Variants in PRKAR2B observed in about 807,000 individuals in gnomAD.
PRKAR2B encodes the protein protein kinase cAMP-dependent type II regulatory subunit beta, also known as cAMP-dependent protein kinase type II-beta regulatory subunit.
PRKAR2B carries 14 observed loss-of-function variants against 49.9 expected under a neutral mutation model. The observed-to-expected ratio is 0.28, with a 90% confidence interval of 0.19 to 0.44. PRKAR2B has a LOEUF of 0.44. Among genes scored for constraint, PRKAR2B ranks in the 20% least tolerant of loss-of-function variants. The pLI, the probability that PRKAR2B is intolerant of heterozygous loss-of-function variation, is 1.00. For missense variants in PRKAR2B, 393 were observed against 537.9 expected, an observed-to-expected ratio of 0.73 and a Z score of 2.67; for synonymous variants, 196 against 197.7, an observed-to-expected ratio of 0.99 and a Z score of 0.07.
intron 1 of PRKAR2B, among the ~76,000 whole-genome samples, chr7:107,055,958 T>A (rs933324267): frequency 6.6e-6 from 1 of 152,194 alleles, no homozygotes; most frequent in African/African-American, 2.4e-5. Context: ...GGTCTAACAT[T>A]TAAGTCTTTA....
Position 107,089,881 on chromosome 7 carries a change from C to G in PRKAR2B, c.343+19565C>G, listed in dbSNP as rs74335685. ...CATGATCCCTGAGTTATGTATCACC[C>G]ATTTTGTGGTTGTAATTCTATTGAC... On this transcript the variant is annotated intron_variant, in intron 2 of 10. Coordinates refer to ENST00000265717, the MANE Select transcript of PRKAR2B (RefSeq NM_002736.3). 3.6e-3 allele frequency among the ~76,000 whole-genome samples: 545 copies of G among 152,288 alleles called. 3 individuals carry two copies. Among genetic ancestry groups the G allele is most frequent in the African/African-American group, 0.012 (518 of 41,560 alleles).
At chr7:107,148,758 A>G (rs1795937207) in intron 6 of PRKAR2B, among the ~76,000 whole-genome samples, 1 of 152,218 alleles carries the variant, frequency 6.6e-6, no homozygotes, top group African/African-American at 2.4e-5. Context: ...AGAAAAGTCC[A>G]TTGCAGAATA....
chr7:107,077,772 T>C (rs2116783602), intron 2 of PRKAR2B: 1 of 152,348 alleles, frequency 6.6e-6, no homozygotes, highest in South Asian at 2.1e-4. Flanking sequence ...CTCACCTATC[T>C]ACGTATTAAA....
At chr7:107,116,942 T>A (rs560791506) in intron 2 of PRKAR2B, among the ~76,000 whole-genome samples, 1 of 139,962 alleles carries the variant, frequency 7.1e-6, no homozygotes, top group East Asian at 2.0e-4. Flanking sequence ...TGTATATATA[T>A]GTGTGTGTGT....
intron 6 of PRKAR2B, 24 bp from the exon 7 acceptor site, chr7:107,150,898 A>G (rs372387699): frequency 4.6e-5 from 60 of 1,302,858 alleles, no homozygotes; most frequent in Non-Finnish European, 6.4e-5. Flanking sequence ...CATAAAATTT[A>G]CCCTTTAACT....
chr7:107,159,270 T>C lies in PRKAR2B; in HGVS notation c.1124-179T>C, dbSNP rs145725016. Among the ~76,000 whole-genome samples the C allele has an allele frequency of 1.1e-3, 167 of 152,328 alleles. 1 individual carries two copies. Among genetic ancestry groups the C allele is most frequent in the African/African-American group, 3.9e-3 (163 of 41,574 alleles). On this transcript the variant is annotated intron_variant, in intron 10 of 10. Transcript: ENST00000265717. ...AGAGTGTGGTCCAAGAGCGTGGCCC[T>C]GGCTGCTTCCTTTTTCAAGTGGAAC...
intron 2 of PRKAR2B, 78 bp from the exon 3 acceptor site, chr7:107,121,874 T>C (rs753460375): frequency 5.1e-6 from 4 of 789,344 alleles, no homozygotes; most frequent in Non-Finnish European, 7.9e-6. Flanking sequence ...TTTTTGTTCA[T>C]TAAGTGTTAA....
chr7:107,087,686 A>G (rs1397080437), intron 2 of PRKAR2B, among the ~76,000 whole-genome samples: 3 of 152,122 alleles, frequency 2.0e-5, no homozygotes, highest in Non-Finnish European at 2.9e-5. Context: ...AGGCTGAGGC[A>G]GGCGGATTGC....
At chr7:107,149,581 C>T (rs1795947568) in intron 6 of PRKAR2B, among the ~76,000 whole-genome samples, 1 of 152,072 alleles carries the variant, frequency 6.6e-6, no homozygotes, top group South Asian at 2.1e-4. Flanking sequence ...GCTCCAGCCT[C>T]ATGACCTAAC....
In PRKAR2B at chr7:107,150,829, A is replaced by G. The variant is rs1163010031; in HGVS notation, c.742-93A>G. On this transcript the variant is annotated intron_variant, in intron 6 of 10. Coordinates refer to ENST00000265717, the MANE Select transcript of PRKAR2B (RefSeq NM_002736.3). ...AATGATGTTAATCTTTTATTTCAGA[A>G]TCTTCAATCATTGTTTCTTGTAGGG... 3 of 630,622 alleles carry G rather than the reference A, an allele frequency of 4.8e-6. No individual in the cohort carries two copies. In the South Asian group the frequency reaches 6.4e-5, roughly 14 times the overall value. 39.1% of individuals were successfully genotyped at this position (630,622 alleles called of 1,614,324 possible). A position where few individuals can be genotyped will look rare whatever the true frequency, so the allele number is the denominator to read the frequency against.
intron 1 of PRKAR2B, among the ~76,000 whole-genome samples, chr7:107,050,293 C>G (rs889670445): frequency 8.3e-5 from 12 of 144,534 alleles, no homozygotes; most frequent in African/African-American, 3.1e-4. Context: ...TATCAAAAAC[C>G]AAACCATTTA....
chr7:107,159,904 A>T lies in PRKAR2B; in HGVS notation c.*322A>T, dbSNP rs1331622991. The T allele has an allele frequency of 4.6e-6, 1 of 217,198 alleles. No individual in the cohort carries two copies. Among genetic ancestry groups the T allele is most frequent in the African/African-American group, 2.3e-5 (1 of 43,640 alleles). 13.5% of individuals were successfully genotyped at this position (217,198 alleles called of 1,614,324 possible). On this transcript the variant is annotated 3_prime_UTR_variant, in exon 11 of 11. Transcript: ENST00000265717. ...AAGAAGATAATTAAAGGATGTTATC[A>T]TAGGCTATATGTGTTTTACTTATTC...
At chr7:107,147,498 A>G (rs905674489) in intron 6 of PRKAR2B, among the ~76,000 whole-genome samples, 1 of 152,250 alleles carries the variant, frequency 6.6e-6, no homozygotes, top group Non-Finnish European at 1.5e-5. Context: ...ATTAGGCACT[A>G]CTAAAGCTCC....
At chr7:107,080,453 T>TA (rs1280846173) in intron 2 of PRKAR2B, among the ~76,000 whole-genome samples, 3 of 152,112 alleles carry the variant, frequency 2.0e-5, no homozygotes, top group Admixed American at 6.5e-5. Flanking sequence ...TGCAAGCAAT[T>TA]ACCATTGCCA....
At chr7:107,122,761 C>T (rs980133429) in intron 3 of PRKAR2B, among the ~76,000 whole-genome samples, 2 of 152,142 alleles carry the variant, frequency 1.3e-5, no homozygotes, top group Non-Finnish European at 1.5e-5. Flanking sequence ...GCAGCTACTA[C>T]GTCCCTAAGT....
At chr7:107,066,301 G>GGGTGTGTGT (rs147673007) in intron 1 of PRKAR2B, among the ~76,000 whole-genome samples, 4 of 145,512 alleles carry the variant, frequency 2.7e-5, no homozygotes, top group African/African-American at 1.0e-4. Flanking sequence ...CTCTATGTGG[G>GGGTGTGTGT]GTGTGTGTGT....
intron 2 of PRKAR2B, 59 bp downstream of exon 2, chr7:107,070,375 T>C (rs1794241381): frequency 7.1e-7 from 1 of 1,411,526 alleles, no homozygotes; most frequent in East Asian, 2.3e-5. Flanking sequence ...AAAATGATAA[T>C]ATTGGACAAG....
chr7:107,156,173 A>T (rs1459561860), intron 8 of PRKAR2B, among the ~76,000 whole-genome samples: 1 of 152,126 alleles, frequency 6.6e-6, no homozygotes, highest in Non-Finnish European at 1.5e-5. Context: ...TTAAAACCAG[A>T]CAGGTTGATA....
intron 1 of PRKAR2B, among the ~76,000 whole-genome samples, chr7:107,068,134 G>A (rs1355982574): frequency 1.3e-5 from 2 of 152,174 alleles, no homozygotes; most frequent in Non-Finnish European, 2.9e-5. Context: ...AGATAGCGAT[G>A]CCACCTTTGT....
Sources: allele counts gnomAD v4.1 joint callset (sites outside exome capture counted in the v4.1 genomes callset), GRCh38; gene constraint gnomAD v4.1.1; transcripts MANE v1.5; gene names NCBI Gene and HGNC (gene_info 2026-07-23, HGNC 2026-07-21).